GRK3: variants seen among roughly 807,000 people sequenced by gnomAD.
GRK3 encodes the protein adrenergic, beta, receptor kinase 2.
In GRK3, 54 loss-of-function variants were observed where a neutral mutation model predicts 95.7. The observed-to-expected ratio is 0.56, with a 90% CI of 0.45 to 0.71. The LOEUF is 0.71. GRK3 is among the 30% of genes least tolerant of loss of function. GRK3 has a pLI of 0.00. For missense variants in GRK3, 649 were observed against 851.2 expected, an observed-to-expected ratio of 0.76 and a Z score of 2.96; for synonymous variants, 281 against 290.8, an observed-to-expected ratio of 0.97 and a Z score of 0.34.
rs1203264553 is a variant in GRK3, at chr22:25,725,074, G to C, written c.*2624G>C. 1.3e-5 allele frequency: 2 copies of C among 152,224 alleles called. No individual in the cohort carries two copies. Among genetic ancestry groups the C allele is most frequent in the Non-Finnish European group, 2.9e-5 (2 of 68,076 alleles). The allele number at this position is 152,224 out of a possible 1,614,324, so 9.4% of individuals were successfully genotyped here. A position where few individuals can be genotyped will look rare whatever the true frequency, so the allele number is the denominator to read the frequency against. ...GGGTCTTGAACTCTTAGGCTCAAGT[G>C]ATCCTCCTTCCTTGGCCTCCCAAAA... is the stretch of plus-strand genomic sequence containing the variant. On this transcript the variant is annotated 3_prime_UTR_variant, in exon 21 of 21. Coordinates refer to ENST00000324198, the MANE Select transcript of GRK3 (RefSeq NM_005160.4).
At chr22:25,644,746 A>G in intron 3 of GRK3, 81 bp downstream of exon 3, 1 of 651,570 alleles carries the variant, frequency 1.5e-6, no homozygotes. Context: ...AGACTACTTA[A>G]TATCTTACAA....
At chr22:25,585,761 G>A (rs1601453197) in intron 1 of GRK3, among the ~76,000 whole-genome samples, 2 of 152,260 alleles carry the variant, frequency 1.3e-5, no homozygotes, top group East Asian at 1.9e-4. Flanking sequence ...CAGCCAAAAC[G>A]TATTCCAGTG....
chr22:25,600,722 T>A (rs1235945180), intron 1 of GRK3, among the ~76,000 whole-genome samples: 1 of 152,160 alleles, frequency 6.6e-6, no homozygotes, highest in Non-Finnish European at 1.5e-5. Flanking sequence ...GGGTCCTAGA[T>A]AGAACTCATG....
In GRK3 at chr22:25,576,180, G is replaced by GCT. The variant is rs202015889; in HGVS notation, c.113+11035_113+11036dup. Among the ~76,000 whole-genome samples, 65 of 151,720 alleles carry GCT rather than the reference G, an allele frequency of 4.3e-4. No homozygotes were observed. In the East Asian group the frequency reaches 6.9e-3, roughly 16 times the overall value. ...CGTGCCCAGCGTCTGTGTGGCTGGAGCTCTCTCTCGTGGGTCCCCCTTGTG... is the reference window on the plus strand; with the variant it reads ...CGTGCCCAGCGTCTGTGTGGCTGGAGCTCTCTCTCTCGTGGGTCCCCCTTGTG... On this transcript the variant is annotated intron_variant, in intron 1 of 20. Transcript: ENST00000324198.
At chr22:25,675,565 C>T (rs2046004198) in intron 8 of GRK3, among the ~76,000 whole-genome samples, 1 of 152,010 alleles carries the variant, frequency 6.6e-6, no homozygotes, top group Admixed American at 6.5e-5. Flanking sequence ...AAGTGCCAGG[C>T]ATGTTAGAGC....
chr22:25,713,542 C>G (rs1299604760), intron 17 of GRK3, among the ~76,000 whole-genome samples: 1 of 152,104 alleles, frequency 6.6e-6, no homozygotes, highest in Non-Finnish European at 1.5e-5. Flanking sequence ...AGTATTTTGC[C>G]TGTTATGATA....
At position 25,661,675 on chromosome 22, in the gene GRK3, C is replaced by T; in HGVS notation, c.364C>T (p.His122Tyr). ...CATGAAGGAACTTCTTTCCTGTTCA[C>T]ATGTAAGTATTTCTTCTTACTCTGT... ...YIMKELLSCSHPFSKQAVEHV... is the reference protein window; with the variant it reads ...YIMKELLSCSYPFSKQAVEHV... Residue 122 changes from histidine to tyrosine, a missense_variant and splice_region_variant, in exon 4 of 21, where the codon CAT becomes TAT. By Grantham distance (83) the His-to-Tyr change is moderately conservative. Around this residue, in one of 3 missense-constraint regions of GRK3, gnomAD observed 206 missense variants for 231.4 expected, o/e 0.89. Coordinates refer to ENST00000324198, the MANE Select transcript of GRK3 (RefSeq NM_005160.4). 1.3e-6 allele frequency: 2 copies of T among 1,590,356 alleles called. No homozygotes were observed. Among genetic ancestry groups the T allele is most frequent in the East Asian group, 4.5e-5 (2 of 44,718 alleles).
chr22:25,644,483 A>T (rs2084766807), intron 2 of GRK3, 109 bp from the exon 3 acceptor site: 1 of 457,354 alleles, frequency 2.2e-6, no homozygotes, highest in Non-Finnish European at 3.9e-6. Context: ...TAAAAAAAAA[A>T]GTAGAGGAGG....
chr22:25,674,556 C>G, intron 8 of GRK3, 28 bp downstream of exon 8: 1 of 1,468,288 alleles, frequency 6.8e-7, no homozygotes, highest in Non-Finnish European at 9.5e-7. Flanking sequence ...TTATGTTTTA[C>G]TGGCACTATT....
chr22:25,609,845 CTTTTTTT>C (rs980049696), intron 2 of GRK3, among the ~76,000 whole-genome samples: 1 of 127,860 alleles, frequency 7.8e-6, no homozygotes, highest in South Asian at 2.5e-4. Flanking sequence ...GCAATTTTTA[CTTTTTTT>C]TTTTTTTTTT....
intron 2 of GRK3, among the ~76,000 whole-genome samples, chr22:25,613,749 T>TC: frequency 6.6e-6 from 1 of 152,322 alleles, no homozygotes; most frequent in Non-Finnish European, 1.5e-5. Flanking sequence ...GGGCATCAGC[T>TC]CCTGGTGCTG....
At chr22:25,693,154 A>G (rs777405520) in intron 12 of GRK3, among the ~76,000 whole-genome samples, 2 of 152,228 alleles carry the variant, frequency 1.3e-5, no homozygotes, top group African/African-American at 2.4e-5. Context: ...TATTTTATCT[A>G]AGAACACAAA....
At chr22:25,616,796 T>C (rs183507201) in intron 2 of GRK3, among the ~76,000 whole-genome samples, 64 of 152,284 alleles carry the variant, frequency 4.2e-4, no homozygotes, top group African/African-American at 1.4e-3. Context: ...GGTCTAAAGA[T>C]AAAGGAGAGG....
chr22:25,660,459 A>C (rs2084902292), intron 3 of GRK3, among the ~76,000 whole-genome samples: 1 of 152,158 alleles, frequency 6.6e-6, no homozygotes, highest in Non-Finnish European at 1.5e-5. Context: ...AACACTGATG[A>C]TCTTTCAGGA....
intron 18 of GRK3, among the ~76,000 whole-genome samples, chr22:25,715,351 A>C (rs907256614): frequency 2.6e-5 from 4 of 152,196 alleles, no homozygotes; most frequent in African/African-American, 9.6e-5. Context: ...CCATCTCTAC[A>C]AAAAATAAGA....
intron 3 of GRK3, chr22:25,649,286 G>C (rs552823612): frequency 1.1e-6 from 1 of 882,058 alleles, no homozygotes; most frequent in Non-Finnish European, 1.9e-6. Context: ...TGAAGAACCT[G>C]TATAGAATTT....
chr22:25,670,230 G>A lies in GRK3; in HGVS notation c.504-2066G>A, dbSNP rs147174076. On this transcript the variant is annotated intron_variant, in intron 6 of 20. Transcript: ENST00000324198. ...GTCTATTGGTCGGGTGTGGTGGCTCGCCCCTGTAATCCCAGCACTTTGGGA... is the reference window on the plus strand; with the variant it reads ...GTCTATTGGTCGGGTGTGGTGGCTCACCCCTGTAATCCCAGCACTTTGGGA... 1.4e-4 allele frequency among the ~76,000 whole-genome samples: 22 copies of A among 152,148 alleles called. No individual in the cohort carries two copies. The East Asian group carries it at 2.7e-3, about 19-fold the overall frequency.
At chr22:25,688,339 G>A (rs752207218) in intron 11 of GRK3, among the ~76,000 whole-genome samples, 23 of 151,758 alleles carry the variant, frequency 1.5e-4, no homozygotes, top group Admixed American at 1.4e-3. Context: ...TGATTTGGTC[G>A]TGGCTCTGTA....
chr22:25,585,145 G>A (rs1255817004), intron 1 of GRK3, among the ~76,000 whole-genome samples: 2 of 152,286 alleles, frequency 1.3e-5, no homozygotes, highest in Non-Finnish European at 2.9e-5. Flanking sequence ...CCTCGCTATA[G>A]GGCCTTCACC....
Sources: allele counts gnomAD v4.1 joint callset (sites outside exome capture counted in the v4.1 genomes callset), GRCh38; gene constraint gnomAD v4.1.1; regional missense constraint gnomAD v4.1.1; transcripts MANE v1.5; gene names NCBI Gene and HGNC (gene_info 2026-07-23, HGNC 2026-07-21).